The following DLGAP4 variants were observed in gnomAD, a reference collection of about 807,000 sequenced individuals.
DLGAP4 encodes the protein disks large-associated protein 4.
In DLGAP4, 18 loss-of-function variants were observed where a neutral mutation model predicts 86.9. That is an observed-to-expected ratio of 0.21 (90% confidence interval 0.14 to 0.31). The LOEUF (loss-of-function observed/expected upper bound fraction) is 0.31, where lower values mean the gene tolerates loss of function less well. Ranked by LOEUF, DLGAP4 falls within the 10% of genes least tolerant of loss-of-function variation. DLGAP4 has a pLI of 1.00. For missense variants in DLGAP4, 1,085 were observed against 1,362.6 expected, an observed-to-expected ratio of 0.80 and a Z score of 3.21; for synonymous variants, 548 against 574.3, an observed-to-expected ratio of 0.95 and a Z score of 0.65.
chr20:36,376,920 G>T (rs2147435306), intron 2 of DLGAP4, among the ~76,000 whole-genome samples: 1 of 152,312 alleles, frequency 6.6e-6, no homozygotes, highest in South Asian at 2.1e-4. Context: ...TGGCACATAG[G>T]AAGTGCTTGG....
intron 3 of DLGAP4, 88 bp from the exon 4 acceptor site, chr20:36,436,021 G>C: frequency 2.1e-6 from 3 of 1,444,544 alleles, no homozygotes; most frequent in Non-Finnish European, 2.7e-6. Context: ...TGCAGGGAAC[G>C]AGGGAGCTTC....
chr20:36,385,844 G>A (rs2031576104), intron 2 of DLGAP4, among the ~76,000 whole-genome samples: 1 of 152,132 alleles, frequency 6.6e-6, no homozygotes, highest in African/African-American at 2.4e-5. Context: ...GAAGGAGGTG[G>A]CCACCTGCTC....
At chr20:36,427,965 G>A (rs1569495784) in intron 2 of DLGAP4, among the ~76,000 whole-genome samples, 4 of 151,394 alleles carry the variant, frequency 2.6e-5, no homozygotes, top group African/African-American at 9.7e-5. Flanking sequence ...ATAAAAAAGG[G>A]AAAAAAAACT....
At chr20:36,325,128 G>C (rs2065204114) in intron 1 of DLGAP4, among the ~76,000 whole-genome samples, 1 of 151,982 alleles carries the variant, frequency 6.6e-6, no homozygotes, top group Non-Finnish European at 1.5e-5. Context: ...TGCTTTAGCA[G>C]CACCCCACAC....
intron 2 of DLGAP4, among the ~76,000 whole-genome samples, chr20:36,379,460 G>A (rs1361151921): frequency 6.6e-6 from 1 of 152,190 alleles, no homozygotes; most frequent in Non-Finnish European, 1.5e-5. Context: ...CATCTCACAG[G>A]GTCAGGCTCT....
In DLGAP4 at chr20:36,526,900, G is replaced by C. The variant is rs375335563; in HGVS notation, c.2848G>C (p.Asp950His). ...VSRDKASDAS[D>H]KQRQEARKRL... ...CCGCGACAAGGCCTCAGACGCCAGC[G>C]ACAAGCAGCGCCAGGAGGCCCGCAA... The change falls in exon 13 of 13, where the codon GAC becomes CAC. Residue 950 changes from aspartate to histidine, a missense_variant. Physicochemically the swap from Asp to His is moderately conservative, Grantham distance 81. Coordinates refer to ENST00000339266, the MANE Select transcript of DLGAP4 (RefSeq NM_001365621.2). 2 of 1,613,410 alleles carry C rather than the reference G, an allele frequency of 1.2e-6. No individual in the cohort carries two copies. The highest frequency in any genetic ancestry group is 1.7e-6 in the Non-Finnish European group (2 of 1,179,840).
chr20:36,447,020 A>G (rs2033610516), intron 7 of DLGAP4, 83 bp downstream of exon 7: 1 of 1,510,948 alleles, frequency 6.6e-7, no homozygotes, highest in African/African-American at 1.4e-5. Flanking sequence ...GCCTGGGAGG[A>G]TACAGGGAGG....
In DLGAP4 at chr20:36,359,185, T is replaced by C. The variant is rs369326454; in HGVS notation, c.-303-7860T>C. On this transcript the variant is annotated intron_variant, in intron 1 of 12. Transcript: ENST00000339266. ...CCCAGGCTGGAGTGCAGTGGCACGA[T>C]CTCGGCTCACTGTAACCTCCGTCTC... is the stretch of plus-strand genomic sequence containing the variant. Among the ~76,000 whole-genome samples the C allele has an allele frequency of 1.9e-4, 29 of 152,310 alleles. No homozygotes were observed. In the South Asian group the frequency reaches 2.1e-3, roughly 11 times the overall value.
chr20:36,484,808 T>TA (rs1345393629), intron 7 of DLGAP4, among the ~76,000 whole-genome samples: 1 of 152,254 alleles, frequency 6.6e-6, no homozygotes, highest in Non-Finnish European at 1.5e-5. Flanking sequence ...GCGGCAGTGA[T>TA]AGACTCGTGT....
chr20:36,324,154 C>T lies in DLGAP4; in HGVS notation c.-304+17642C>T, dbSNP rs564861498. 9.2e-5 allele frequency among the ~76,000 whole-genome samples: 14 copies of T among 152,192 alleles called. No homozygotes were observed. The South Asian group carries it at 2.7e-3, about 29-fold the overall frequency. On this transcript the variant is annotated intron_variant, in intron 1 of 12. Coordinates refer to ENST00000339266, the MANE Select transcript of DLGAP4 (RefSeq NM_001365621.2). Reference sequence around the variant, plus strand: ...AAGAGCTTTATAGTTCAGCTGGGCACGGTGGCTCATACCTGTGATCCCAGT... The same window carrying T: ...AAGAGCTTTATAGTTCAGCTGGGCATGGTGGCTCATACCTGTGATCCCAGT...
At chr20:36,398,878 T>C (rs2056964127) in intron 2 of DLGAP4, among the ~76,000 whole-genome samples, 1 of 152,198 alleles carries the variant, frequency 6.6e-6, no homozygotes, top group Non-Finnish European at 1.5e-5. Flanking sequence ...TGGCTGTGAC[T>C]GGAGCTTGGA....
intron 10 of DLGAP4, among the ~76,000 whole-genome samples, chr20:36,506,553 C>T (rs568307722): frequency 6.6e-6 from 1 of 152,286 alleles, no homozygotes; most frequent in Non-Finnish European, 1.5e-5. Context: ...CAGTGCCCAC[C>T]CACCCAGGTG....
At chr20:36,340,442 G>A (rs2065367573) in intron 1 of DLGAP4, among the ~76,000 whole-genome samples, 1 of 152,116 alleles carries the variant, frequency 6.6e-6, no homozygotes, top group African/African-American at 2.4e-5. Flanking sequence ...CCCTCTCCGT[G>A]GCACATGTGG....
At chr20:36,404,856 A>AT (rs1165326965) in intron 2 of DLGAP4, among the ~76,000 whole-genome samples, 1 of 152,228 alleles carries the variant, frequency 6.6e-6, no homozygotes, top group Non-Finnish European at 1.5e-5. Flanking sequence ...GGGGACCCTC[A>AT]TTCCAGTACA....
chr20:36,487,923 C>T (rs998735941), intron 7 of DLGAP4, among the ~76,000 whole-genome samples: 2 of 152,088 alleles, frequency 1.3e-5, no homozygotes, highest in African/African-American at 2.4e-5. Flanking sequence ...GTTAGTGCGC[C>T]GGGCGTGGTG....
chr20:36,448,811 G>A lies in DLGAP4; in HGVS notation c.1648+1874G>A, dbSNP rs377310862. On this transcript the variant is annotated intron_variant, in intron 7 of 12. Transcript: ENST00000339266. ...TACCCGGGTGTGGTGGTGCACACCT[G>A]TAGTTCTAGCTACTTGGGAGGCTGA... is the stretch of plus-strand genomic sequence containing the variant. 2.8e-4 allele frequency among the ~76,000 whole-genome samples: 42 copies of A among 152,260 alleles called. 1 individual carries two copies. The South Asian group carries it at 8.7e-3, about 32-fold the overall frequency.
At chr20:36,320,104 TCGCATTC>T (rs2065151650) in intron 1 of DLGAP4, among the ~76,000 whole-genome samples, 2 of 133,284 alleles carry the variant, frequency 1.5e-5, no homozygotes, top group Admixed American at 7.6e-5. Context: ...TCCCTCTGTG[TCGCATTC>T]CCCTAGGCCC....
In DLGAP4 at chr20:36,462,011, T is replaced by C. The variant is rs1483630287; in HGVS notation, c.1648+15074T>C. The C allele has an allele frequency of 4.1e-6, 4 of 985,374 alleles. No individual in the cohort carries two copies. In the African/African-American group the frequency reaches 5.2e-5, roughly 13 times the overall value. The allele number at this position is 985,374 out of a possible 1,614,324, so 61.0% of individuals were successfully genotyped here. On this transcript the variant is annotated intron_variant, in intron 7 of 12. Transcript: ENST00000339266. The stretch of plus-strand genomic sequence containing the variant: ...GCCCCCAGATCTTTTGGGGTTCCCC[T>C]TGAGAACACCTTCCACTCTCCCCAA...
Position 36,500,689 on chromosome 20 carries a change from C to T in DLGAP4, c.2512+78C>T, listed in dbSNP as rs2036107546. 3.0e-6 allele frequency: 4 copies of T among 1,353,966 alleles called. No individual in the cohort carries two copies. Among genetic ancestry groups the T allele is most frequent in the Non-Finnish European group, 3.8e-6 (4 of 1,039,362 alleles). The allele number at this position is 1,353,966 out of a possible 1,614,324, so 83.9% of individuals were successfully genotyped here. ...GTTTCAGCTGGTGGCCAGCAGCTTC[C>T]GAACTTCTGAGTGGGGGTCTCTTAG... is the stretch of plus-strand genomic sequence containing the variant. On this transcript the variant is annotated intron_variant, in intron 10 of 12. Transcript: ENST00000339266. The surrounding 1 kb of genome is among the most constrained non-coding windows in gnomAD (Gnocchi z 4.6).
Sources: allele counts gnomAD v4.1 joint callset (sites outside exome capture counted in the v4.1 genomes callset), GRCh38; gene constraint gnomAD v4.1.1; non-coding constraint Gnocchi (gnomAD v3.1); transcripts MANE v1.5; gene names NCBI Gene and HGNC (gene_info 2026-07-23, HGNC 2026-07-21).